Variants in LMO7 observed in about 807,000 individuals in gnomAD.
LMO7 encodes the protein LIM domain 7.
In LMO7, 120 loss-of-function variants were observed where a neutral mutation model predicts 206.5. The ratio of observed to expected loss-of-function variants is 0.58; its 90% CI spans 0.50 to 0.68. LMO7 has a LOEUF of 0.68. LMO7 is among the 30% of genes least tolerant of loss of function. The probability of loss-of-function intolerance (pLI) is 0.00; values close to 1 mark genes in which losing one functional copy is unlikely to be tolerated. For missense variants in LMO7, 1,959 were observed against 1,957.9 expected, an observed-to-expected ratio of 1.00 and a Z score of -0.01; for synonymous variants, 706 against 681.5, an observed-to-expected ratio of 1.04 and a Z score of -0.56.
Position 75,819,441 on chromosome 13 carries a change from C to A in LMO7, c.2113C>A (p.Gln705Lys), listed in dbSNP as rs1356191654. 3 of 1,612,084 alleles carry A rather than the reference C, an allele frequency of 1.9e-6. No individual in the cohort carries two copies. The African/African-American group carries it at 4.0e-5, about 22-fold the overall frequency. The change falls in exon 13 of 31, where the codon CAG becomes AAG. Residue 705 changes from glutamine to lysine, a missense_variant. Transcript: ENST00000377534. Reference protein sequence around the residue: ...DRRKSYTSDLQKKKEEREEIE... With the variant: ...DRRKSYTSDLKKKKEEREEIE... ...TCGAAAAAGTTACACTTCAGATCTG[C>A]AGAAGAAAAAAGAAGAGAGAGAAGA...
At chr13:75,685,548 G>C (rs1283352020) in intron 1 of LMO7, among the ~76,000 whole-genome samples, 1 of 152,174 alleles carries the variant, frequency 6.6e-6, no homozygotes, top group South Asian at 2.1e-4. Flanking sequence ...TGAGCCTGTG[G>C]AATATTTGCT....
At position 75,846,426 on chromosome 13, in the gene LMO7, C is replaced by T. The variant is rs76911043; in HGVS notation, c.4150+1047C>T. 4.5e-3 allele frequency among the ~76,000 whole-genome samples: 690 copies of T among 152,312 alleles called. 8 individuals are homozygous for T. Among genetic ancestry groups the T allele is most frequent in the African/African-American group, 0.015 (619 of 41,580 alleles). Reference sequence around the variant, plus strand: ...ATCTTTCTCAGTTCCCAATTTATCACGTACTTTTCTGATCTGGTTCCTCTG... The same window carrying T: ...ATCTTTCTCAGTTCCCAATTTATCATGTACTTTTCTGATCTGGTTCCTCTG... On this transcript the variant is annotated intron_variant, in intron 26 of 30. Coordinates refer to ENST00000377534, the MANE Select transcript of LMO7 (RefSeq NM_001306080.2).
Position 75,853,330 on chromosome 13 carries a change from C to T in LMO7, c.4603C>T (p.Pro1535Ser), listed in dbSNP as rs150110750. The change falls in exon 28 of 31, where the codon CCC becomes TCC. Residue 1535 changes from proline (P) to serine (S), a missense_variant. Pro to Ser is a moderately conservative substitution (Grantham distance 74). Transcript: ENST00000377534. ...CACAGGTGTGGCCACCACACAGTCCCCCACCCCGAGAAGCCATTCCCCTTC... is the reference window on the plus strand; with the variant it reads ...CACAGGTGTGGCCACCACACAGTCCTCCACCCCGAGAAGCCATTCCCCTTC... The part of the protein sequence containing the change: ...STTGVATTQS[P>S]TPRSHSPSAS... The T allele has an allele frequency of 1.2e-6, 2 of 1,613,642 alleles. No homozygotes were observed. The highest frequency in any genetic ancestry group is 2.7e-5 in the African/African-American group (2 of 74,932).
intron 1 of LMO7, among the ~76,000 whole-genome samples, chr13:75,701,511 G>T (rs2042285071): frequency 6.6e-6 from 1 of 152,034 alleles, no homozygotes; most frequent in Admixed American, 6.6e-5. Context: ...AAACATTTCT[G>T]CAAAAAATGA....
chr13:75,748,821 T>A (rs572140123), intron 3 of LMO7, among the ~76,000 whole-genome samples: 1 of 151,638 alleles, frequency 6.6e-6, no homozygotes, highest in Admixed American at 6.6e-5. Flanking sequence ...CTTTCTTTTT[T>A]TTTTTTTGAG....
At chr13:75,670,103 A>G (rs939164262) in intron 1 of LMO7, among the ~76,000 whole-genome samples, 1 of 152,210 alleles carries the variant, frequency 6.6e-6, no homozygotes, top group Non-Finnish European at 1.5e-5. Context: ...TATGAAATAC[A>G]TACACCTCTC....
chr13:75,715,113 T>A (rs906711493), intron 2 of LMO7, among the ~76,000 whole-genome samples: 11 of 152,236 alleles, frequency 7.2e-5, no homozygotes, highest in African/African-American at 2.7e-4. Context: ...TTTGGGGCAT[T>A]GACCCCATAA....
intron 18 of LMO7, 96 bp from the exon 19 acceptor site, chr13:75,836,301 T>C (rs542702697): frequency 1.5e-6 from 1 of 679,404 alleles, no homozygotes; most frequent in Non-Finnish European, 2.5e-6. Flanking sequence ...GAGAAACTCA[T>C]CTTGTTAAAA....
chr13:75,635,285 A>T (rs896324081), upstream of LMO7, among the ~76,000 whole-genome samples: 4 of 152,130 alleles, frequency 2.6e-5, no homozygotes, highest in African/African-American at 9.7e-5. Context: ...CCAAAGATGA[A>T]GCCATCAACC....
At chr13:75,686,052 AT>A (rs2040959763) in intron 1 of LMO7, among the ~76,000 whole-genome samples, 1 of 150,990 alleles carries the variant, frequency 6.6e-6, no homozygotes, top group African/African-American at 2.4e-5. Flanking sequence ...TTTTTTGAAA[AT>A]TTTTCAGTAG....
In LMO7 at chr13:75,841,121, C is replaced by G; in HGVS notation, c.3595C>G (p.Arg1199Gly). The G allele has an allele frequency of 1.2e-6, 2 of 1,608,428 alleles. No homozygotes were observed. Among genetic ancestry groups the G allele is most frequent in the Non-Finnish European group, 1.7e-6 (2 of 1,175,618 alleles). The change falls in exon 23 of 31, where the codon CGT (arginine) becomes GGT (glycine). Residue 1199 changes from arginine (R) to glycine (G), a missense_variant. Coordinates refer to ENST00000377534, the MANE Select transcript of LMO7 (RefSeq NM_001306080.2). ...QDRLLQEKYQ[R>G]EQEKLREEWQ... Reference sequence around the variant, plus strand: ...TATTTTCTTATAGGAAAAATATCAACGTGAGCAGGAGAAACTGAGGGAAGA... The same window carrying G: ...TATTTTCTTATAGGAAAAATATCAAGGTGAGCAGGAGAAACTGAGGGAAGA...
At chr13:75,629,910 G>A (rs1476873553) in intron 2 of LMO7, among the ~76,000 whole-genome samples, 1 of 152,196 alleles carries the variant, frequency 6.6e-6, no homozygotes, top group Non-Finnish European at 1.5e-5. Flanking sequence ...AAAGGCAGGA[G>A]GGGATTGAAG....
rs2059451500 is a variant in LMO7 at position 75,840,089 on chromosome 13, C to G, written c.3456C>G (p.Ser1152Arg). ...KRRSQFFEQGSSDSVVPDLPV... is the reference protein window; with the variant it reads ...KRRSQFFEQGRSDSVVPDLPV... ...TGCCCATGTGCTGCAACACAGGAAGCTCTGATTCGGTGGTTCCTGATGTAA... is the reference window on the plus strand; with the variant it reads ...TGCCCATGTGCTGCAACACAGGAAGGTCTGATTCGGTGGTTCCTGATGTAA... The change falls in exon 21 of 31, where the codon AGC becomes AGG. Residue 1152 changes from serine to arginine, a missense_variant. Ser to Arg is a moderately radical substitution (Grantham distance 110, BLOSUM62 -1). Transcript: ENST00000377534. 6.2e-7 allele frequency: 1 copy of G among 1,613,772 alleles called. No individual in the cohort carries two copies. The highest frequency in any genetic ancestry group is 8.5e-7 in the Non-Finnish European group (1 of 1,179,828).
chr13:75,668,716 C>A (rs2139352554), intron 1 of LMO7, among the ~76,000 whole-genome samples: 1 of 152,174 alleles, frequency 6.6e-6, no homozygotes, highest in East Asian at 1.9e-4. Context: ...GAAGGTTGGT[C>A]TAATGGGAGC....
chr13:75,723,967 C>T (rs180678037), intron 2 of LMO7, among the ~76,000 whole-genome samples: 57 of 152,216 alleles, frequency 3.7e-4, no homozygotes, highest in African/African-American at 1.3e-3. Flanking sequence ...CTTCTCACTG[C>T]AACCTCTTGT....
intron 27 of LMO7, among the ~76,000 whole-genome samples, chr13:75,849,720 G>A (rs2060331561): frequency 6.6e-6 from 1 of 152,046 alleles, no homozygotes; most frequent in African/African-American, 2.4e-5. Flanking sequence ...TTGGAATCTT[G>A]ATAATTGGAT....
chr13:75,685,851 C>G (rs2040926515), intron 1 of LMO7, among the ~76,000 whole-genome samples: 1 of 150,954 alleles, frequency 6.6e-6, no homozygotes, highest in African/African-American at 2.4e-5. Flanking sequence ...AAATGAAGAC[C>G]AATCAAACCA....
intron 2 of LMO7, among the ~76,000 whole-genome samples, chr13:75,715,577 A>G (rs946417019): frequency 2.0e-5 from 3 of 152,206 alleles, no homozygotes; most frequent in Non-Finnish European, 4.4e-5. Flanking sequence ...GTAATCAGCA[A>G]TTGTAATTTA....
chr13:75,698,530 T>C (rs1251787674), intron 1 of LMO7, among the ~76,000 whole-genome samples: 1 of 151,974 alleles, frequency 6.6e-6, no homozygotes, highest in Admixed American at 6.6e-5. Context: ...CTTCAAGTGA[T>C]CCTTCTACTT....
Sources: gnomAD v4.1 joint callset for allele counts (sites outside exome capture counted in the v4.1 genomes callset) on GRCh38, gnomAD v4.1.1 for gene constraint, MANE v1.5 for transcripts, NCBI Gene and HGNC (gene_info 2026-07-23, HGNC 2026-07-21) for gene names.